Variants in SOX6 observed in about 807,000 individuals in gnomAD.
SOX6 encodes the protein SRY-box transcription factor 6, also known as transcription factor SOX-6.
SOX6 carries 11 observed loss-of-function variants against 97.8 expected under a neutral mutation model. That is an observed-to-expected ratio of 0.11 (90% CI 0.07 to 0.19). The LOEUF is 0.19. SOX6 is among the 10% of genes least tolerant of loss of function. The pLI is 1.00. For synonymous variants in SOX6, 360 were observed against 371.4 expected, an observed-to-expected ratio of 0.97 and a Z score of 0.35; for missense variants, 810 against 1,039.5, an observed-to-expected ratio of 0.78 and a Z score of 3.04.
At chr11:16,374,174 T>C (rs776022607) in intron 1 of SOX6, among the ~76,000 whole-genome samples, 4 of 152,072 alleles carry the variant, frequency 2.6e-5, no homozygotes, top group Non-Finnish European at 5.9e-5. Context: ...CAGAACATCC[T>C]GGACTGCCTA....
chr11:16,500,335 G>C (rs562660835), intron 4 of SOX6, among the ~76,000 whole-genome samples: 25 of 152,178 alleles, frequency 1.6e-4, no homozygotes, highest in East Asian at 1.2e-3. Context: ...CTATCTATGA[G>C]AAACCCACAG....
chr11:16,043,877 G>A (rs547836821), intron 12 of SOX6, among the ~76,000 whole-genome samples: 12 of 152,052 alleles, frequency 7.9e-5, no homozygotes, highest in Admixed American at 1.3e-4. Context: ...TTCCCATGGC[G>A]TCACTTATCC....
At chr11:16,617,824 C>G (rs1056478371) in intron 3 of SOX6, among the ~76,000 whole-genome samples, 1 of 151,730 alleles carries the variant, frequency 6.6e-6, no homozygotes, top group African/African-American at 2.4e-5. Flanking sequence ...TACTAACAAC[C>G]AACCACTTCT....
intron 3 of SOX6, among the ~76,000 whole-genome samples, chr11:16,708,915 C>T (rs1848156528): frequency 3.3e-5 from 5 of 152,162 alleles, no homozygotes; most frequent in Admixed American, 3.3e-4. Flanking sequence ...TCTGGCAAAA[C>T]ACTTACTAAT....
chr11:16,452,065 G>A (rs72873303), intron 1 of SOX6, among the ~76,000 whole-genome samples: 11,486 of 152,038 alleles, frequency 0.076, 558 homozygotes, highest in Non-Finnish European at 0.11. Context: ...TTGTGATGAG[G>A]CAAAGTATGT....
chr11:16,728,274 T>C (rs1848322782), intron 2 of SOX6, among the ~76,000 whole-genome samples: 1 of 152,180 alleles, frequency 6.6e-6, no homozygotes, highest in African/African-American at 2.4e-5. Context: ...CCCCAGTGCC[T>C]CTTGACTGGG....
chr11:16,072,608 A>T (rs1173400870), intron 9 of SOX6, among the ~76,000 whole-genome samples: 1 of 152,184 alleles, frequency 6.6e-6, no homozygotes, highest in Non-Finnish European at 1.5e-5. Flanking sequence ...CCTCTGTGAG[A>T]TACTATACAA....
At chr11:16,158,135 A>G (rs1642850204) in intron 6 of SOX6, among the ~76,000 whole-genome samples, 1 of 152,102 alleles carries the variant, frequency 6.6e-6, no homozygotes, top group Middle Eastern at 3.4e-3. Flanking sequence ...AACTCATTCA[A>G]TTCAAAAATT....
intron 1 of SOX6, among the ~76,000 whole-genome samples, chr11:16,369,150 T>C (rs72871310): frequency 0.078 from 11,821 of 152,100 alleles, 523 homozygotes; most frequent in Non-Finnish European, 0.098. Flanking sequence ...CATCAGTCAT[T>C]AGGCAAAGCA....
At chr11:16,422,868 G>A (rs1047714524) in intron 1 of SOX6, among the ~76,000 whole-genome samples, 5 of 151,982 alleles carry the variant, frequency 3.3e-5, no homozygotes, top group Admixed American at 1.3e-4. Context: ...CTGCTGCTAC[G>A]ACTCTAGTCC....
chr11:16,719,712 C>A (rs1343757012), intron 2 of SOX6, among the ~76,000 whole-genome samples: 1 of 152,060 alleles, frequency 6.6e-6, no homozygotes, highest in Non-Finnish European at 1.5e-5. Flanking sequence ...TTGCTTGAGT[C>A]CAGGAGTTCG....
At chr11:16,443,485 TC>T (rs1315143143) in intron 1 of SOX6, among the ~76,000 whole-genome samples, 1 of 152,222 alleles carries the variant, frequency 6.6e-6, no homozygotes, top group African/African-American at 2.4e-5. Context: ...CAGTGCTAGG[TC>T]CTTGACAAAA....
In SOX6 at chr11:16,484,160, A is replaced by G. The variant is rs1158365898; in HGVS notation, n.610-7772T>C. The G allele has an allele frequency of 6.4e-6, 5 of 781,082 alleles. No homozygotes were observed. In the Admixed American group the frequency reaches 8.5e-5, roughly 13 times the overall value. 48.4% of individuals were successfully genotyped at this position (781,082 alleles called of 1,614,324 possible). On this transcript the variant is annotated intron_variant and non_coding_transcript_variant, in intron 4 of 5. Coordinates refer to the SOX6 transcript ENST00000524520. Reference sequence around the variant, plus strand: ...CTTATCCTTTAAGCCAGGTTTATTTAAGATCCTCTCCACCTGGAAATGGTT... The same window carrying G: ...CTTATCCTTTAAGCCAGGTTTATTTGAGATCCTCTCCACCTGGAAATGGTT...
At chr11:16,020,643 T>G (rs1855027990) in intron 12 of SOX6, among the ~76,000 whole-genome samples, 1 of 152,134 alleles carries the variant, frequency 6.6e-6, no homozygotes, top group African/African-American at 2.4e-5. Flanking sequence ...ATCCTATTCA[T>G]ATGGAAAAAC....
At chr11:16,319,300 T>C (rs1266533012) in intron 2 of SOX6, among the ~76,000 whole-genome samples, 1 of 152,238 alleles carries the variant, frequency 6.6e-6, no homozygotes, top group Non-Finnish European at 1.5e-5. Flanking sequence ...AGTCTCTTTC[T>C]ATTCCTTACC....
chr11:16,362,382 AC>A (rs750116091), intron 1 of SOX6, among the ~76,000 whole-genome samples: 8 of 151,670 alleles, frequency 5.3e-5, no homozygotes, highest in Non-Finnish European at 1.2e-4. Flanking sequence ...CCCTAACTTC[AC>A]TCCTCCACTC....
chr11:16,577,799 A>G (rs929418095), intron 4 of SOX6, among the ~76,000 whole-genome samples: 5 of 152,030 alleles, frequency 3.3e-5, no homozygotes, highest in African/African-American at 1.2e-4. Context: ...TTGAGTTGTA[A>G]TAGTTCTTAA....
intron 1 of SOX6, among the ~76,000 whole-genome samples, chr11:16,459,640 C>A (rs918736674): frequency 6.6e-6 from 1 of 151,916 alleles, no homozygotes; most frequent in Non-Finnish European, 1.5e-5. Flanking sequence ...TTTAAAGATT[C>A]AAGTTGAATT....
intron 3 of SOX6, among the ~76,000 whole-genome samples, chr11:16,254,225 G>A (rs1715903143): frequency 6.6e-6 from 1 of 151,918 alleles, no homozygotes; most frequent in Admixed American, 6.6e-5. Context: ...TCAGGGAGAA[G>A]GAAAATTATA....
Sources: allele counts gnomAD v4.1 joint callset (sites outside exome capture counted in the v4.1 genomes callset), GRCh38; gene constraint gnomAD v4.1.1; transcripts MANE v1.5; gene names NCBI Gene and HGNC (gene_info 2026-07-23, HGNC 2026-07-21).